C1orf141: variants seen among roughly 807,000 people sequenced by gnomAD.
The protein encoded by C1orf141 is chromosome 1 open reading frame 141.
C1orf141 carries 19 observed loss-of-function variants against 23.2 expected under a neutral mutation model. The ratio of observed to expected loss-of-function variants is 0.82; its 90% CI spans 0.57 to 1.20. The LOEUF is 1.20. C1orf141 is among the 50% of genes most tolerant of loss of function. The pLI is 0.00. For missense variants in C1orf141, 469 were observed against 455.1 expected, an observed-to-expected ratio of 1.03 and a Z score of -0.28; for synonymous variants, 153 against 154.6, an observed-to-expected ratio of 0.99 and a Z score of 0.08.
intron 5 of C1orf141, among the ~76,000 whole-genome samples, chr1:67,100,920 C>G (rs1030348655): frequency 1.6e-4 from 25 of 152,202 alleles, no homozygotes; most frequent in African/African-American, 6.0e-4. Flanking sequence ...TTTCTGGGCA[C>G]TGTATATTTT....
chr1:67,128,547 T>A (rs927720226), intron 2 of C1orf141, among the ~76,000 whole-genome samples: 2 of 151,956 alleles, frequency 1.3e-5, no homozygotes. Context: ...CTACTAAAAA[T>A]ACAAAAATTA....
rs200797999 is a variant in C1orf141, at chr1:67,096,272, T to G, written c.396A>C (p.Leu132Phe). Residue 132 changes from leucine to phenylalanine, a missense_variant, in exon 6 of 8, where the codon TTA (leucine) becomes TTC (phenylalanine). Physicochemically the swap from Leu to Phe is conservative, Grantham distance 22. Coordinates refer to ENST00000684719, the MANE Select transcript of C1orf141 (RefSeq NM_001276351.2). Reference sequence around the variant, plus strand: ...ATTACCTTTTATTTCTATCACCTTCTAAGAGACCAACAGAATCCAATGGTT... The same window carrying G: ...ATTACCTTTTATTTCTATCACCTTCGAAGAGACCAACAGAATCCAATGGTT... Reference protein sequence around the residue: ...PRKPLDSVGLLEGDRNKRKKS... With the variant: ...PRKPLDSVGLFEGDRNKRKKS... The G allele has an allele frequency of 1.5e-5, 23 of 1,518,674 alleles. No individual in the cohort carries two copies. The highest frequency in any genetic ancestry group is 2.0e-5 in the Non-Finnish European group (22 of 1,114,948). The allele number at this position is 1,518,674 out of a possible 1,614,324, so 94.1% of individuals were successfully genotyped here.
rs753609932 is a variant in C1orf141, at chr1:67,095,237, T to C, written c.601A>G (p.Met201Val). The stretch of plus-strand genomic sequence containing the variant: ...ACAATAGATGATATGCTTATTACCA[T>C]GTGAGAAGTTACTGTCTTTGTTGGA... ...VSPTKTVTSH[M>V]EQKDTNPIIF... is the part of the protein sequence containing the mutation. The change falls in exon 7 of 8, where the codon ATG (methionine) becomes GTG (valine). Residue 201 changes from methionine to valine, a missense_variant and splice_region_variant. Met to Val is a conservative substitution (Grantham distance 21). This residue lies in a region of C1orf141 where 370 missense variants were observed against 348.1 expected (regional missense o/e 1.06). Transcript: ENST00000684719. 38 of 1,532,004 alleles carry C rather than the reference T, an allele frequency of 2.5e-5. No individual in the cohort carries two copies. Among genetic ancestry groups the C allele is most frequent in the Non-Finnish European group, 3.0e-5 (34 of 1,120,754 alleles). The allele number at this position is 1,532,004 out of a possible 1,614,324, so 94.9% of individuals were successfully genotyped here.
intron 4 of C1orf141, among the ~76,000 whole-genome samples, chr1:67,125,192 T>G (rs954543784): frequency 1.3e-5 from 2 of 152,142 alleles, no homozygotes; most frequent in African/African-American, 4.8e-5. Context: ...GGCAATATAA[T>G]TGAGCTCAAG....
rs1645803514 is a variant in C1orf141 at position 67,101,673 on chromosome 1, A to G, written c.347-5352T>C. 2.0e-5 allele frequency among the ~76,000 whole-genome samples: 3 copies of G among 152,052 alleles called. No homozygotes were observed. The South Asian group carries it at 6.2e-4, about 32-fold the overall frequency. The stretch of plus-strand genomic sequence containing the variant: ...TTAGGGATAAAATGTCCCACTTTCA[A>G]TTTAATAAATTTTTCTTCCCTATTT... On this transcript the variant is annotated intron_variant, in intron 5 of 7. Transcript: ENST00000684719.
chr1:67,139,945 T>G (rs1046502386), upstream of C1orf141, among the ~76,000 whole-genome samples: 1 of 152,150 alleles, frequency 6.6e-6, no homozygotes, highest in African/African-American at 2.4e-5. Context: ...GGAGTGGGAT[T>G]GGTGGTTTTA....
intron 4 of C1orf141, among the ~76,000 whole-genome samples, chr1:67,119,911 T>G (rs1178278231): frequency 6.6e-6 from 1 of 152,210 alleles, no homozygotes; most frequent in African/African-American, 2.4e-5. Flanking sequence ...CCAGAGGGCA[T>G]GTGCTCAGGG....
chr1:67,137,888 C>T (rs1646599771), upstream of C1orf141, among the ~76,000 whole-genome samples: 1 of 152,244 alleles, frequency 6.6e-6, no homozygotes, highest in African/African-American at 2.4e-5. Context: ...TTCTCCACCC[C>T]TGCCTTCTGT....
intron 6 of C1orf141, 186 bp from the exon 7 acceptor site, chr1:67,095,607 A>G (rs1645659477): frequency 2.0e-6 from 1 of 488,332 alleles, no homozygotes; most frequent in Admixed American, 3.8e-5. Context: ...CAAGAGTAGG[A>G]GTGGAAGCAA....
rs1645582718 is a variant in C1orf141, at chr1:67,092,902, A to G, written c.*103T>C. Reference sequence around the variant, plus strand: ...TAATGTCTATGCTTTGCTTTCTTATATGATCAATTAGAACATTACTATTTG... The same window carrying G: ...TAATGTCTATGCTTTGCTTTCTTATGTGATCAATTAGAACATTACTATTTG... On this transcript the variant is annotated 3_prime_UTR_variant, in exon 8 of 8. Transcript: ENST00000684719. The G allele has an allele frequency of 3.4e-6, 3 of 887,300 alleles. No homozygotes were observed. In the Admixed American group the frequency reaches 8.2e-5, roughly 24 times the overall value. 55.0% of individuals were successfully genotyped at this position (887,300 alleles called of 1,614,324 possible).
chr1:67,109,020 T>C (rs1271948211), intron 5 of C1orf141, among the ~76,000 whole-genome samples: 2 of 152,146 alleles, frequency 1.3e-5, no homozygotes, highest in African/African-American at 2.4e-5. Flanking sequence ...GAAAACAGTA[T>C]GAAAATACCT....
At chr1:67,098,457 T>C (rs888462973) in intron 5 of C1orf141, among the ~76,000 whole-genome samples, 3 of 151,958 alleles carry the variant, frequency 2.0e-5, no homozygotes, top group Non-Finnish European at 4.4e-5. Context: ...GAGTCGGAGG[T>C]GGCAGTGAGT....
chr1:67,108,431 T>C (rs1645984617), intron 5 of C1orf141, among the ~76,000 whole-genome samples: 1 of 152,142 alleles, frequency 6.6e-6, no homozygotes, highest in Non-Finnish European at 1.5e-5. Context: ...TACCATCACA[T>C]TGGCTATTAA....
intron 5 of C1orf141, among the ~76,000 whole-genome samples, chr1:67,109,113 G>T (rs1646004063): frequency 6.6e-6 from 1 of 152,200 alleles, no homozygotes; most frequent in East Asian, 1.9e-4. Context: ...GGATCACGAG[G>T]TCGGGAGATC....
At chr1:67,137,068 C>T (rs1646591975), upstream of C1orf141, among the ~76,000 whole-genome samples, 1 of 152,100 alleles carries the variant, frequency 6.6e-6, no homozygotes, top group South Asian at 2.1e-4. Context: ...ATAAAATCTG[C>T]AGACTTTTTC....
intron 5 of C1orf141, among the ~76,000 whole-genome samples, chr1:67,106,595 T>TTG (rs752450887): frequency 6.6e-6 from 1 of 151,834 alleles, no homozygotes; most frequent in Non-Finnish European, 1.5e-5. Flanking sequence ...GAGGCAGAGG[T>TTG]TGCAGCAAGC....
chr1:67,138,073 T>C (rs1646601302), upstream of C1orf141, among the ~76,000 whole-genome samples: 2 of 152,212 alleles, frequency 1.3e-5, no homozygotes, highest in Non-Finnish European at 2.9e-5. Flanking sequence ...CCATACATAT[T>C]TACTAACAAA....
At chr1:67,125,456 G>A (rs1273021420) in intron 4 of C1orf141, among the ~76,000 whole-genome samples, 5 of 152,116 alleles carry the variant, frequency 3.3e-5, no homozygotes. Context: ...CCAGTACTTT[G>A]GGAAGCCTAG....
At chr1:67,104,886 A>G (rs1341260246) in intron 5 of C1orf141, among the ~76,000 whole-genome samples, 1 of 152,224 alleles carries the variant, frequency 6.6e-6, no homozygotes, top group African/African-American at 2.4e-5. Context: ...TCTATATGTT[A>G]TTATAACTCA....
Sources: gnomAD v4.1 joint callset for allele counts (sites outside exome capture counted in the v4.1 genomes callset) on GRCh38, gnomAD v4.1.1 for gene constraint, gnomAD v4.1.1 regional missense constraint, MANE v1.5 for transcripts, NCBI Gene and HGNC (gene_info 2026-07-23, HGNC 2026-07-21) for gene names.